SLIT2: variants seen among roughly 807,000 people sequenced by gnomAD.
The protein encoded by SLIT2 is slit guidance ligand 2, also known as slit homolog 2 protein.
Under a neutral mutation model 185.7 loss-of-function variants are expected in SLIT2, and 41 were observed. The ratio of observed to expected loss-of-function variants is 0.22; its 90% CI spans 0.17 to 0.29. SLIT2 has a LOEUF of 0.29. Ranked by LOEUF, SLIT2 falls within the 10% of genes least tolerant of loss-of-function variation. The pLI is 1.00. For synonymous variants in SLIT2, 693 were observed against 680.2 expected (o/e 1.02, Z -0.29); for missense variants, 1,571 against 1,909.0 (o/e 0.82, Z 3.30).
rs143831642 is a variant in SLIT2, at chr4:20,524,115, G to C, written c.1376G>C (p.Ser459Thr). 3.1e-6 allele frequency: 5 copies of C among 1,613,992 alleles called. No individual in the cohort carries two copies. In the African/African-American group the frequency reaches 6.7e-5, roughly 22 times the overall value. Residue 459 changes from serine to threonine, a missense_variant, in exon 14 of 37, where the codon AGC becomes ACC. By Grantham distance (58) the Ser-to-Thr change is moderately conservative. This residue lies in a region of SLIT2 where 1,202 missense variants were observed against 1,416.4 expected (regional missense o/e 0.85). Coordinates refer to ENST00000504154, the MANE Select transcript of SLIT2 (RefSeq NM_004787.4). Reference protein sequence around the residue: ...PIETSGARCTSPRRLANKRIG... With the variant: ...PIETSGARCTTPRRLANKRIG... ...GAGACCAGTGGTGCCCGTTGCACCA[G>C]CCCCCGCCGCCTGGCAAACAAAAGA...
At chr4:20,388,791 AAATATAT>A (rs1461452174) in intron 4 of SLIT2, among the ~76,000 whole-genome samples, 11 of 133,864 alleles carry the variant, frequency 8.2e-5, no homozygotes, top group African/African-American at 3.1e-4. Flanking sequence ...AAAAAAAAAA[AAATATAT>A]ATATATATAA....
chr4:20,256,496 G>T (rs998803640), intron 1 of SLIT2, among the ~76,000 whole-genome samples, 176 bp from the exon 2 acceptor site: 2 of 152,106 alleles, frequency 1.3e-5, no homozygotes, highest in African/African-American at 4.8e-5. Context: ...CCTTGTAAAT[G>T]TGTTGAGTCA....
intron 4 of SLIT2, among the ~76,000 whole-genome samples, chr4:20,396,488 T>A (rs1725903232): frequency 6.6e-6 from 1 of 151,858 alleles, no homozygotes; most frequent in South Asian, 2.1e-4. Context: ...TTTCATATAC[T>A]TGTCATATAA....
intron 4 of SLIT2, among the ~76,000 whole-genome samples, chr4:20,345,618 C>T (rs1418169293): frequency 1.3e-5 from 2 of 149,680 alleles, no homozygotes; most frequent in African/African-American, 4.9e-5. Context: ...TCACGGCAAC[C>T]TCCACCTCCC....
intron 4 of SLIT2, among the ~76,000 whole-genome samples, chr4:20,339,400 A>T (rs150644283): frequency 2.6e-5 from 4 of 152,246 alleles, no homozygotes; most frequent in Non-Finnish European, 5.9e-5. Flanking sequence ...CTTTCCAGAT[A>T]CTCAGAATTT....
chr4:20,416,721 A>G (rs1020750889), intron 4 of SLIT2, among the ~76,000 whole-genome samples: 2 of 152,238 alleles, frequency 1.3e-5, no homozygotes, highest in Admixed American at 1.3e-4. Flanking sequence ...CAGAAGCTTG[A>G]AAACAATTAA....
At position 20,385,953 on chromosome 4, in the gene SLIT2, A is replaced by G. The variant is rs183940869; in HGVS notation, c.396-81799A>G. On this transcript the variant is annotated intron_variant, in intron 4 of 36. Coordinates refer to ENST00000504154, the MANE Select transcript of SLIT2 (RefSeq NM_004787.4). ...GATAACTGAATGATGTATCTTCCCA[A>G]ATTTAGTAAAATATAACTTATCTAG... Among the ~76,000 whole-genome samples the G allele has an allele frequency of 1.1e-4, 17 of 152,272 alleles. No homozygotes were observed. The East Asian group carries it at 2.9e-3, about 26-fold the overall frequency.
chr4:20,578,995 G>A (rs1726301184), intron 29 of SLIT2, among the ~76,000 whole-genome samples: 1 of 152,144 alleles, frequency 6.6e-6, no homozygotes, highest in Non-Finnish European at 1.5e-5. Flanking sequence ...TAGATAGAAA[G>A]CAATTAATAG....
chr4:20,576,143 T>A (rs1726070740), intron 29 of SLIT2, among the ~76,000 whole-genome samples: 1 of 152,262 alleles, frequency 6.6e-6, no homozygotes, highest in African/African-American at 2.4e-5. Flanking sequence ...ATCATTTAAT[T>A]CCAGCCATCA....
At chr4:20,555,064 T>A (rs1724131772) in intron 26 of SLIT2, among the ~76,000 whole-genome samples, 1 of 151,872 alleles carries the variant, frequency 6.6e-6, no homozygotes, top group Non-Finnish European at 1.5e-5. Context: ...CCACCACGCC[T>A]GGCCAGATTG....
chr4:20,338,724 T>G (rs1435777133), intron 4 of SLIT2, among the ~76,000 whole-genome samples: 1 of 152,102 alleles, frequency 6.6e-6, no homozygotes, highest in East Asian at 1.9e-4. Flanking sequence ...GAGGGGTTCT[T>G]TTATTATATA....
intron 9 of SLIT2, among the ~76,000 whole-genome samples, chr4:20,504,437 G>GACATATTT (rs1719014532): frequency 6.6e-6 from 1 of 152,128 alleles, no homozygotes; most frequent in Non-Finnish European, 1.5e-5. Context: ...TCAATCCAAA[G>GACATATTT]ACATATTTTA....
chr4:20,601,682 A>G (rs1162995721), intron 33 of SLIT2, among the ~76,000 whole-genome samples: 1 of 152,174 alleles, frequency 6.6e-6, no homozygotes, highest in East Asian at 1.9e-4. Flanking sequence ...CCTTTACTAC[A>G]GTGTAAAATC....
chr4:20,613,120 G>T (rs1238880390), intron 34 of SLIT2, among the ~76,000 whole-genome samples: 1 of 151,996 alleles, frequency 6.6e-6, no homozygotes, highest in African/African-American at 2.4e-5. Flanking sequence ...TAAAAATAGA[G>T]CTACCATTCA....
chr4:20,415,882 C>T (rs758614446), intron 4 of SLIT2, among the ~76,000 whole-genome samples: 1 of 152,024 alleles, frequency 6.6e-6, no homozygotes, highest in Non-Finnish European at 1.5e-5. Context: ...AATTATGTTC[C>T]AGACTGGTAG....
At chr4:20,281,373 AT>A (rs796898601) in intron 4 of SLIT2, among the ~76,000 whole-genome samples, 29 of 152,110 alleles carry the variant, frequency 1.9e-4, no homozygotes, top group Middle Eastern at 3.4e-3. Flanking sequence ...TTGCGTTATA[AT>A]TTTTTTTGTA....
At chr4:20,379,035 G>T (rs1724265219) in intron 4 of SLIT2, among the ~76,000 whole-genome samples, 1 of 152,090 alleles carries the variant, frequency 6.6e-6, no homozygotes, top group Non-Finnish European at 1.5e-5. Context: ...AGTACAGAGG[G>T]GTTTTAGGCC....
Position 20,523,826 on chromosome 4 carries a change from C to T in SLIT2, c.1197C>T (p.Asn399=). 1 of 1,613,718 alleles carries T rather than the reference C, an allele frequency of 6.2e-7. No individual in the cohort carries two copies. Among genetic ancestry groups the T allele is most frequent in the South Asian group, 1.1e-5 (1 of 91,070 alleles). Residue 399 remains asparagine, a synonymous_variant, in exon 13 of 37, where the codon AAC becomes AAT. Transcript: ENST00000504154. Reference sequence around the variant, plus strand: ...CTTTTCAGGATCTCCACAACTTGAACCTTCTCTCCCTATATGACAACAAGC... The same window carrying T: ...CTTTTCAGGATCTCCACAACTTGAATCTTCTCTCCCTATATGACAACAAGC... The part of the protein sequence containing the change: ...VDAFQDLHNL[N]LLSLYDNKLQ...
At position 20,620,295 on chromosome 4, in the gene SLIT2, C is replaced by T. The variant is rs1343876836; in HGVS notation, c.*1286C>T. On this transcript the variant is annotated 3_prime_UTR_variant, in exon 37 of 37. Coordinates refer to ENST00000504154, the MANE Select transcript of SLIT2 (RefSeq NM_004787.4). The stretch of plus-strand genomic sequence containing the variant: ...CTTTTCTTTCCCTCAAACAATAAAA[C>T]TCCTTTATTATCTTAATGCTCCCAT... 2 of 366,864 alleles carry T rather than the reference C, an allele frequency of 5.5e-6. No individual in the cohort carries two copies. Among genetic ancestry groups the T allele is most frequent in the African/African-American group, 2.2e-5 (1 of 46,382 alleles). 22.7% of individuals were successfully genotyped at this position (366,864 alleles called of 1,614,324 possible). A position where few individuals can be genotyped will look rare whatever the true frequency, so the allele number is the denominator to read the frequency against.
Sources: gnomAD v4.1 joint callset for allele counts (sites outside exome capture counted in the v4.1 genomes callset) on GRCh38, gnomAD v4.1.1 for gene constraint, gnomAD v4.1.1 regional missense constraint, MANE v1.5 for transcripts, NCBI Gene and HGNC (gene_info 2026-07-23, HGNC 2026-07-21) for gene names.